The following SENP1 variants were observed in gnomAD, a reference collection of about 807,000 sequenced individuals.
The protein encoded by SENP1 is sentrin-specific protease 1.
Under a neutral mutation model 93.0 loss-of-function variants are expected in SENP1, and 21 were observed. The ratio of observed to expected loss-of-function variants is 0.23; its 90% CI spans 0.16 to 0.33. The LOEUF (loss-of-function observed/expected upper bound fraction) is 0.33. Among genes scored for constraint, SENP1 ranks in the 10% least tolerant of loss-of-function variants. SENP1 has a pLI of 1.00. For synonymous variants in SENP1, 256 were observed against 259.6 expected, an observed-to-expected ratio of 0.99 and a Z score of 0.13; for missense variants, 591 against 758.7, an observed-to-expected ratio of 0.78 and a Z score of 2.60.
At chr12:48,089,047 A>T in intron 4 of SENP1, 87 bp from the exon 5 acceptor site, 1 of 1,535,730 alleles carries the variant, frequency 6.5e-7, no homozygotes, top group Non-Finnish European at 8.8e-7. Context: ...ATTGTATTCC[A>T]AAGTAATGTG....
chr12:48,103,648 G>GA (rs1277979017), intron 1 of SENP1, among the ~76,000 whole-genome samples: 1 of 138,082 alleles, frequency 7.2e-6, no homozygotes, highest in East Asian at 2.0e-4. Flanking sequence ...CCAAATTCAA[G>GA]CAACTGTAAA....
intron 6 of SENP1, 41 bp from the exon 7 acceptor site, chr12:48,074,834 A>G: frequency 1.5e-6 from 2 of 1,295,928 alleles, no homozygotes; most frequent in Non-Finnish European, 2.2e-6. Flanking sequence ...AAACACATCC[A>G]ATAAGGCAAG....
rs1349811811 is a variant in SENP1 at position 48,056,595 on chromosome 12, ATAT to A, written c.1407+7112_1407+7114del. ...TATTTAATATATTACATATATAAAT[ATAT>A]TATTTAATATATTACATATATAAAT... On this transcript the variant is annotated intron_variant, in intron 13 of 17. Coordinates refer to ENST00000549518, the MANE Select transcript of SENP1 (RefSeq NM_001267594.2). 6.9e-5 allele frequency among the ~76,000 whole-genome samples: 4 copies of A among 58,372 alleles called. 1 individual carries two copies. The highest frequency in any genetic ancestry group is 2.1e-4 in the African/African-American group (2 of 9,576). 38.3% of individuals were successfully genotyped at this position (58,372 alleles called of 152,430 possible). A position where few individuals can be genotyped will look rare whatever the true frequency, so the allele number is the denominator to read the frequency against.
chr12:48,062,539 C>A (rs1004984939), intron 13 of SENP1, among the ~76,000 whole-genome samples: 2 of 152,122 alleles, frequency 1.3e-5, no homozygotes, highest in African/African-American at 4.8e-5. Flanking sequence ...GGGCTGGCCC[C>A]AGAGAAAAAA....
intron 4 of SENP1, among the ~76,000 whole-genome samples, chr12:48,091,660 C>T (rs993897394): frequency 2.0e-5 from 3 of 151,930 alleles, no homozygotes; most frequent in African/African-American, 7.3e-5. Flanking sequence ...CTTTTCATCC[C>T]ACTTTTCTCT....
At chr12:48,091,594 C>T (rs575279518) in intron 4 of SENP1, among the ~76,000 whole-genome samples, 17 of 152,218 alleles carry the variant, frequency 1.1e-4, no homozygotes, top group African/African-American at 3.8e-4. Context: ...CCTAATGTAA[C>T]ATATTTTCCA....
At chr12:48,078,833 T>C (rs1435154286) in intron 6 of SENP1, among the ~76,000 whole-genome samples, 2 of 152,230 alleles carry the variant, frequency 1.3e-5, no homozygotes, top group Non-Finnish European at 2.9e-5. Flanking sequence ...TCTTTCTCTG[T>C]AAATTACTTG....
intron 13 of SENP1, among the ~76,000 whole-genome samples, chr12:48,058,610 T>C (rs749966356): frequency 6.6e-6 from 1 of 152,200 alleles, no homozygotes; most frequent in Non-Finnish European, 1.5e-5. Flanking sequence ...AACAGTATAT[T>C]TGTCCATTTT....
chr12:48,101,742 T>G (rs989447486), intron 1 of SENP1, among the ~76,000 whole-genome samples: 13 of 152,208 alleles, frequency 8.5e-5, no homozygotes, highest in Non-Finnish European at 1.5e-4. Context: ...AATTACAGAC[T>G]ACGCACAGAA....
chr12:48,078,572 G>T (rs1368836742), intron 6 of SENP1, among the ~76,000 whole-genome samples: 1 of 151,066 alleles, frequency 6.6e-6, no homozygotes, highest in African/African-American at 2.4e-5. Flanking sequence ...CCAGACTGGA[G>T]TGCAGTGGCG....
At chr12:48,088,336 C>T (rs533063354) in intron 5 of SENP1, among the ~76,000 whole-genome samples, 5 of 152,254 alleles carry the variant, frequency 3.3e-5, no homozygotes, top group South Asian at 4.1e-4. Context: ...ATTACAGGCA[C>T]GAGTCACCGT....
chr12:48,058,987 T>C (rs1379425671), intron 13 of SENP1, among the ~76,000 whole-genome samples: 4 of 152,184 alleles, frequency 2.6e-5, no homozygotes, highest in Non-Finnish European at 5.9e-5. Flanking sequence ...CCGACAGTTA[T>C]TCCTATCTTT....
chr12:48,054,284 G>A (rs781192563), intron 13 of SENP1, among the ~76,000 whole-genome samples: 1 of 152,058 alleles, frequency 6.6e-6, no homozygotes, highest in East Asian at 1.9e-4. Context: ...CACGTATTTC[G>A]AAGTTCTGTT....
intron 4 of SENP1, among the ~76,000 whole-genome samples, chr12:48,095,772 A>G (rs1413536972): frequency 2.0e-5 from 3 of 152,160 alleles, no homozygotes; most frequent in African/African-American, 7.2e-5. Flanking sequence ...CAGATGATAG[A>G]TAAGTCAGGC....
chr12:48,065,516 C>G, intron 11 of SENP1, 80 bp downstream of exon 11: 11 of 939,710 alleles, frequency 1.2e-5, no homozygotes, highest in Non-Finnish European at 1.8e-5. Flanking sequence ...AGCAATTACC[C>G]AAATCTGGGT....
In SENP1 at chr12:48,088,899, T is replaced by C. The variant is rs1333015854; in HGVS notation, c.282A>G (p.Ala94=). The change falls in exon 5 of 18, where the codon GCA becomes GCG. Residue 94 remains alanine (A), a synonymous_variant. Transcript: ENST00000549518. Reference sequence around the variant, plus strand: ...GGGTAGAATTTCTCCATTGGCCATTTGCACTCTGGCCAAAGGTTCTTAAAT... The same window carrying C: ...GGGTAGAATTTCTCCATTGGCCATTCGCACTCTGGCCAAAGGTTCTTAAAT... ...SGDLRTFGQS[A]NGQWRNSTPS... is the part of the protein sequence containing the mutation. The C allele has an allele frequency of 1.3e-5, 21 of 1,601,056 alleles. No individual in the cohort carries two copies. The Admixed American group carries it at 3.5e-4, about 26-fold the overall frequency.
rs763143686 is a variant in SENP1 at position 48,083,553 on chromosome 12, CCTAA to C, written c.552+34_552+37del. 4.4e-5 allele frequency: 69 copies of C among 1,570,010 alleles called. No individual in the cohort carries two copies. In the African/African-American group the frequency reaches 7.6e-4, roughly 17 times the overall value. On this transcript the variant is annotated intron_variant, in intron 6 of 17. Coordinates refer to ENST00000549518, the MANE Select transcript of SENP1 (RefSeq NM_001267594.2). Reference sequence around the variant, plus strand: ...CAAATGGCTCAATGTAGGGAAAGATCCTAACTTTTAGTAGCTTTTGTCACACGTT... The same window carrying C: ...CAAATGGCTCAATGTAGGGAAAGATCCTTTTAGTAGCTTTTGTCACACGTT...
intron 8 of SENP1, among the ~76,000 whole-genome samples, chr12:48,072,611 C>CA (rs1943785091): frequency 6.6e-6 from 1 of 152,104 alleles, no homozygotes; most frequent in Admixed American, 6.5e-5. Context: ...GAGTGACACT[C>CA]AGTCTCAAAA....
intron 9 of SENP1, among the ~76,000 whole-genome samples, chr12:48,071,192 G>A (rs1222517088): frequency 6.6e-6 from 1 of 152,132 alleles, no homozygotes; most frequent in East Asian, 1.9e-4. Context: ...GAGGCTGAAG[G>A]AAGAACAATT....
Sources: allele counts gnomAD v4.1 joint callset (sites outside exome capture counted in the v4.1 genomes callset), GRCh38; gene constraint gnomAD v4.1.1; transcripts MANE v1.5; gene names NCBI Gene and HGNC (gene_info 2026-07-23, HGNC 2026-07-21).